HACD3: variants seen among roughly 807,000 people sequenced by gnomAD.
HACD3 encodes very-long-chain (3R)-3-hydroxyacyl-CoA dehydratase 3.
HACD3 carries 30 observed loss-of-function variants against 55.2 expected under a neutral mutation model. The observed-to-expected ratio is 0.54, with a 90% CI of 0.41 to 0.74. The LOEUF is 0.74. Among genes scored for constraint, HACD3 ranks in the 30% least tolerant of loss-of-function variants. The pLI is 0.00. For missense variants in HACD3, 363 were observed against 440.1 expected (o/e 0.82, Z 1.57); for synonymous variants, 141 against 151.7 (o/e 0.93, Z 0.52).
chr15:65,570,036 AT>A, intron 7 of HACD3, 54 bp from the exon 8 acceptor site: 1 of 1,204,930 alleles, frequency 8.3e-7, no homozygotes, highest in Non-Finnish European at 1.2e-6. Context: ...ACACATTTCT[AT>A]AACTTTACAT....
intron 7 of HACD3, among the ~76,000 whole-genome samples, chr15:65,567,699 A>C (rs746628178): frequency 6.6e-6 from 1 of 152,180 alleles, no homozygotes; most frequent in Non-Finnish European, 1.5e-5. Context: ...ATACAATGGG[A>C]TATTATGTAG....
intron 1 of HACD3, among the ~76,000 whole-genome samples, chr15:65,536,790 G>A (rs1027456518): frequency 8.5e-5 from 13 of 152,108 alleles, no homozygotes; most frequent in Admixed American, 2.0e-4. Flanking sequence ...TGGCTTCTAA[G>A]TGTTAAAGTG....
chr15:65,569,741 A>G (rs1346203268), intron 7 of HACD3, among the ~76,000 whole-genome samples: 1 of 152,180 alleles, frequency 6.6e-6, no homozygotes. Flanking sequence ...TTATTAACAC[A>G]TGATAGTAGT....
At position 65,578,282 on chromosome 15, in the gene HACD3, A is replaced by G. The variant is rs1171602467; in HGVS notation, c.*1903A>G. 2 of 152,224 alleles carry G rather than the reference A, an allele frequency of 1.3e-5. No homozygotes were observed. The highest frequency in any genetic ancestry group is 2.9e-5 in the Non-Finnish European group (2 of 68,040). The allele number at this position is 152,224 out of a possible 1,614,324, so 9.4% of individuals were successfully genotyped here. On this transcript the variant is annotated 3_prime_UTR_variant, in exon 11 of 11. Coordinates refer to ENST00000261875, the MANE Select transcript of HACD3 (RefSeq NM_016395.4). ...ATTCTGTATTCTTAGTGATTGTTAC[A>G]AACCCCTTTATTGCTGTCTGAGAAA...
chr15:65,559,940 G>C (rs1490419837), intron 5 of HACD3, among the ~76,000 whole-genome samples: 4 of 152,038 alleles, frequency 2.6e-5, no homozygotes, highest in South Asian at 2.1e-4. Context: ...AGTTCTTTAT[G>C]GTGGGGAAGT....
At chr15:65,555,063 C>A in intron 3 of HACD3, 103 bp downstream of exon 3, 1 of 909,842 alleles carries the variant, frequency 1.1e-6, no homozygotes, top group Non-Finnish European at 1.7e-6. Flanking sequence ...AGATAAAAAC[C>A]AAAGGGGAAT....
rs2096805426 is a variant in HACD3 at position 65,578,209 on chromosome 15, TTGGGCAGA to T, written c.*1832_*1839del. ...TATTCTTGCAGCTGACTACGTGTAA[TTGGGCAGA>T]TCAGCTTTGCAGTAGATTATGCTGC... On this transcript the variant is annotated 3_prime_UTR_variant, in exon 11 of 11. Coordinates refer to ENST00000261875, the MANE Select transcript of HACD3 (RefSeq NM_016395.4). 6.6e-6 allele frequency: 1 copy of T among 152,220 alleles called. No homozygotes were observed. The highest frequency in any genetic ancestry group is 6.5e-5 in the Admixed American group (1 of 15,274). The allele number at this position is 152,220 out of a possible 1,614,324, so 9.4% of individuals were successfully genotyped here. A position where few individuals can be genotyped will look rare whatever the true frequency, so the allele number is the denominator to read the frequency against.
At chr15:65,548,644 C>G (rs1282464825) in intron 1 of HACD3, among the ~76,000 whole-genome samples, 6 of 152,018 alleles carry the variant, frequency 3.9e-5, no homozygotes, top group African/African-American at 1.4e-4. Context: ...GCAATAAAAG[C>G]TCACTGCAGC....
intron 1 of HACD3, chr15:65,535,697 ACTT>A: frequency 2.2e-6 from 1 of 459,204 alleles, no homozygotes; most frequent in South Asian, 4.1e-5. Context: ...TTTGATGTTA[ACTT>A]TTTTTTTTTT....
At chr15:65,541,958 C>T (rs1407695687) in intron 1 of HACD3, among the ~76,000 whole-genome samples, 15 of 151,910 alleles carry the variant, frequency 9.9e-5, no homozygotes, top group African/African-American at 2.9e-4. Flanking sequence ...TGGCCGGGTG[C>T]GGTGGCTCAC....
chr15:65,537,978 T>C (rs1475372482), intron 1 of HACD3, among the ~76,000 whole-genome samples: 1 of 98,088 alleles, frequency 1.0e-5, no homozygotes, highest in African/African-American at 5.5e-5. Flanking sequence ...TATATATATA[T>C]ATATATATAT....
At chr15:65,573,667 T>C (rs1177804911) in intron 10 of HACD3, among the ~76,000 whole-genome samples, 1 of 152,156 alleles carries the variant, frequency 6.6e-6, no homozygotes, top group Admixed American at 6.6e-5. Flanking sequence ...CAACTATACA[T>C]GATTCTACCC....
chr15:65,552,007 C>T (rs942147035), intron 2 of HACD3: 20 of 317,172 alleles, frequency 6.3e-5, no homozygotes, highest in Admixed American at 9.3e-5. Flanking sequence ...CTAATTCTGC[C>T]GCTATCTTGG....
At chr15:65,569,131 C>T (rs1265455519) in intron 7 of HACD3, among the ~76,000 whole-genome samples, 2 of 151,782 alleles carry the variant, frequency 1.3e-5, no homozygotes, top group Middle Eastern at 3.2e-3. Flanking sequence ...GCCTGTAGTC[C>T]CAGCTACTCG....
At chr15:65,542,182 T>C (rs1437176056) in intron 1 of HACD3, among the ~76,000 whole-genome samples, 6 of 129,614 alleles carry the variant, frequency 4.6e-5, no homozygotes, top group Non-Finnish European at 9.3e-5. Flanking sequence ...TGAGCTGAGA[T>C]CATGCCACTG....
chr15:65,535,703 T>C (rs1019622115), intron 1 of HACD3: 18 of 478,326 alleles, frequency 3.8e-5, no homozygotes, highest in Middle Eastern at 4.3e-4. Flanking sequence ...GTTAACTTTT[T>C]TTTTTTTTTT....
At chr15:65,550,681 C>T (rs958914349) in intron 1 of HACD3, 1 of 152,202 alleles carries the variant, frequency 6.6e-6, no homozygotes, top group Non-Finnish European at 1.5e-5. Flanking sequence ...TTGTCTCTCA[C>T]AGTTTCTGTG....
intron 1 of HACD3, among the ~76,000 whole-genome samples, chr15:65,549,579 G>T (rs2072112251): frequency 8.0e-6 from 1 of 125,184 alleles, no homozygotes; most frequent in Non-Finnish European, 1.6e-5. Context: ...CAGCCTGGGT[G>T]ACAAAGCGAG....
chr15:65,554,945 C>T lies in HACD3; in HGVS notation c.189C>T (p.Asp63=), dbSNP rs1184658894. 6.2e-7 allele frequency: 1 copy of T among 1,606,932 alleles called. No homozygotes were observed. Among genetic ancestry groups the T allele is most frequent in the African/African-American group, 1.3e-5 (1 of 74,762 alleles). Reference sequence around the variant, plus strand: ...ATGAATTTCACCTGGAGTTCTTAGACCTTGTGAAACCAGAGGTATGTTCTT... The same window carrying T: ...ATGAATTTCACCTGGAGTTCTTAGATCTTGTGAAACCAGAGGTATGTTCTT... The part of the protein sequence containing the change: ...NVYEFHLEFL[D]LVKPEPVYKL... Residue 63 remains aspartate, a synonymous_variant, in exon 3 of 11, where the codon GAC becomes GAT. Transcript: ENST00000261875.
Sources: gnomAD v4.1 joint callset for allele counts (sites outside exome capture counted in the v4.1 genomes callset) on GRCh38, gnomAD v4.1.1 for gene constraint, MANE v1.5 for transcripts, NCBI Gene and HGNC (gene_info 2026-07-23, HGNC 2026-07-21) for gene names.